The following CLVS1 variants were observed in gnomAD, a reference collection of about 807,000 sequenced individuals.
The protein encoded by CLVS1 is clavesin-1.
In CLVS1, 10 loss-of-function variants were observed where a neutral mutation model predicts 33.1. The observed-to-expected ratio is 0.30, with a 90% CI of 0.19 to 0.51. CLVS1 has a LOEUF of 0.51. CLVS1 is among the 20% of genes least tolerant of loss of function. The probability of loss-of-function intolerance (pLI) is 0.97; values close to 1 mark genes in which losing one functional copy is unlikely to be tolerated. For synonymous variants in CLVS1, 163 were observed against 166.1 expected (o/e 0.98, Z 0.14); for missense variants, 343 against 433.4 (o/e 0.79, Z 1.85).
At chr8:61,430,677 G>A (rs1563550206) in intron 3 of CLVS1, among the ~76,000 whole-genome samples, 1 of 152,120 alleles carries the variant, frequency 6.6e-6, no homozygotes, top group Non-Finnish European at 1.5e-5. Flanking sequence ...CTACTGCCAG[G>A]TCCTGCTCTC....
intron 3 of CLVS1, among the ~76,000 whole-genome samples, chr8:61,412,226 C>T (rs796799298): frequency 2.6e-5 from 4 of 152,290 alleles, no homozygotes; most frequent in African/African-American, 7.2e-5. Flanking sequence ...TTAAGACATA[C>T]ATTTTTCATT....
chr8:61,354,407 G>A (rs116924440), intron 2 of CLVS1, among the ~76,000 whole-genome samples: 93 of 151,888 alleles, frequency 6.1e-4, no homozygotes, highest in Middle Eastern at 3.4e-3. Context: ...AAGCAATTTG[G>A]TAGTTTCTTT....
At chr8:61,039,672 C>A in the CLVS1 span, among the ~76,000 whole-genome samples, 3 of 151,950 alleles carry the variant, frequency 2.0e-5, no homozygotes, top group Non-Finnish European at 4.4e-5. Flanking sequence ...TCCTGAGTAG[C>A]TGGAACCACA....
intron 5 of CLVS1, among the ~76,000 whole-genome samples, chr8:61,468,716 T>TAAAA (rs5891803): frequency 1.1e-5 from 1 of 92,474 alleles, no homozygotes; most frequent in Non-Finnish European, 2.0e-5. Context: ...GTAAAAGTAC[T>TAAAA]AAAAAAAAAA....
intron 1 of CLVS1, among the ~76,000 whole-genome samples, chr8:61,068,962 G>C (rs1412027252): frequency 6.6e-6 from 1 of 152,120 alleles, no homozygotes; most frequent in Non-Finnish European, 1.5e-5. Flanking sequence ...CCACAGTGCA[G>C]ACTGAGGAAT....
At chr8:61,073,063 G>T (rs981186062) in intron 1 of CLVS1, among the ~76,000 whole-genome samples, 1 of 152,094 alleles carries the variant, frequency 6.6e-6, no homozygotes, top group African/African-American at 2.4e-5. Context: ...TAAGGAATGG[G>T]AGCAGTATAG....
chr8:61,138,578 G>C (rs549415574), intron 2 of CLVS1, among the ~76,000 whole-genome samples: 1 of 151,728 alleles, frequency 6.6e-6, no homozygotes, highest in South Asian at 2.1e-4. Flanking sequence ...TTGGGAAGGG[G>C]AGACGGGGGG....
chr8:61,342,369 G>A (rs970836349), intron 2 of CLVS1, among the ~76,000 whole-genome samples: 1 of 152,200 alleles, frequency 6.6e-6, no homozygotes, highest in African/African-American at 2.4e-5. Flanking sequence ...AGGACTCTGA[G>A]CTCCTCGATG....
chr8:61,419,429 G>T (rs956475572), intron 3 of CLVS1, among the ~76,000 whole-genome samples: 3 of 151,060 alleles, frequency 2.0e-5, no homozygotes, highest in Non-Finnish European at 4.4e-5. Context: ...TTTAAAAGGT[G>T]TTGTGGTGAA....
intron 2 of CLVS1, among the ~76,000 whole-genome samples, chr8:61,280,372 C>G (rs1000186148): frequency 6.6e-6 from 1 of 152,160 alleles, no homozygotes; most frequent in Non-Finnish European, 1.5e-5. Context: ...AGCACAGGAG[C>G]TGACATTGAA....
chr8:61,207,139 A>G (rs760320180), intron 2 of CLVS1, among the ~76,000 whole-genome samples: 1 of 152,186 alleles, frequency 6.6e-6, no homozygotes, highest in Non-Finnish European at 1.5e-5. Context: ...ATATAAACAA[A>G]CCACTGTAGA....
chr8:61,278,229 G>C (rs1396444459), intron 2 of CLVS1, among the ~76,000 whole-genome samples: 1 of 152,158 alleles, frequency 6.6e-6, no homozygotes, highest in East Asian at 1.9e-4. Context: ...AATAAACATA[G>C]TGGTGAGCAA....
intron 5 of CLVS1, among the ~76,000 whole-genome samples, chr8:61,480,648 C>T (rs771114942): frequency 6.6e-6 from 1 of 152,126 alleles, no homozygotes; most frequent in Non-Finnish European, 1.5e-5. Flanking sequence ...GTTGGTAATG[C>T]AGAAATCACC....
chr8:61,189,052 A>T (rs1393948254), intron 2 of CLVS1, among the ~76,000 whole-genome samples: 1 of 152,112 alleles, frequency 6.6e-6, no homozygotes, highest in African/African-American at 2.4e-5. Context: ...GAGAAGAGCA[A>T]CTCCAAGACA....
In CLVS1 at chr8:61,085,668, G is replaced by A. The variant is rs187369641; in HGVS notation, c.-243+28438G>A. Among the ~76,000 whole-genome samples the A allele has an allele frequency of 9.0e-3, 1,353 of 150,430 alleles. 15 individuals carry two copies. Among genetic ancestry groups the A allele is most frequent in the Non-Finnish European group, 0.013 (856 of 67,756 alleles). On this transcript the variant is annotated intron_variant, in intron 1 of 2. Coordinates refer to the CLVS1 transcript ENST00000522621. ...CACTTTCGGAGGCCGAGGCAGGTGGGTCACTTGAGGTCAGGAATTCGAGAC... is the reference window on the plus strand; with the variant it reads ...CACTTTCGGAGGCCGAGGCAGGTGGATCACTTGAGGTCAGGAATTCGAGAC...
intron 1 of CLVS1, among the ~76,000 whole-genome samples, chr8:61,290,652 C>T (rs562314638): frequency 6.6e-6 from 1 of 152,340 alleles, no homozygotes; most frequent in African/African-American, 2.4e-5. Context: ...GACGTACTCC[C>T]TGATAGCAGA....
chr8:61,002,750 C>T, the CLVS1 span, among the ~76,000 whole-genome samples: 1 of 152,144 alleles, frequency 6.6e-6, no homozygotes. Flanking sequence ...TTGTGGGCCA[C>T]CATGGTTGGG....
the CLVS1 span, among the ~76,000 whole-genome samples, chr8:61,047,727 G>A: frequency 1.3e-5 from 2 of 152,268 alleles, no homozygotes; most frequent in African/African-American, 4.8e-5. Flanking sequence ...TCACTCATAG[G>A]TGGGAATTGA....
upstream of CLVS1, among the ~76,000 whole-genome samples, chr8:61,283,454 A>T (rs1388170067): frequency 6.6e-6 from 1 of 152,226 alleles, no homozygotes; most frequent in Non-Finnish European, 1.5e-5. Flanking sequence ...AAAGTCTACT[A>T]CACATCAAAT....
Sources: allele counts gnomAD v4.1 joint callset (sites outside exome capture counted in the v4.1 genomes callset), GRCh38; gene constraint gnomAD v4.1.1; transcripts MANE v1.5; gene names NCBI Gene and HGNC (gene_info 2026-07-23, HGNC 2026-07-21).